The following FAM13A variants were observed in gnomAD, a reference collection of about 807,000 sequenced individuals.
FAM13A encodes the protein protein FAM13A.
A neutral mutation model predicts 129.6 loss-of-function variants in FAM13A; 76 were observed. The ratio of observed to expected loss-of-function variants is 0.59; its 90% CI spans 0.49 to 0.71. The LOEUF is 0.71. FAM13A is among the 30% of genes least tolerant of loss of function. The probability of loss-of-function intolerance (pLI) is 0.00; values close to 1 mark genes in which losing one functional copy is unlikely to be tolerated. For synonymous variants in FAM13A, 443 were observed against 449.9 expected, an observed-to-expected ratio of 0.98 and a Z score of 0.20; for missense variants, 1,108 against 1,249.3, an observed-to-expected ratio of 0.89 and a Z score of 1.70.
chr4:88,951,108 T>A (rs952958378), intron 4 of FAM13A, among the ~76,000 whole-genome samples: 1 of 152,226 alleles, frequency 6.6e-6, no homozygotes, highest in Non-Finnish European at 1.5e-5. Flanking sequence ...GGGCTGCTGC[T>A]GTTTATTATA....
chr4:88,827,747 T>C (rs1733253302), intron 7 of FAM13A, among the ~76,000 whole-genome samples: 1 of 152,206 alleles, frequency 6.6e-6, no homozygotes, highest in Admixed American at 6.5e-5. Flanking sequence ...ACTCTTAGGA[T>C]AACGTTCAAA....
chr4:88,854,532 C>T (rs1272344067), intron 6 of FAM13A, among the ~76,000 whole-genome samples: 6 of 152,208 alleles, frequency 3.9e-5, no homozygotes, highest in Non-Finnish European at 8.8e-5. Flanking sequence ...TTGCTTCTTT[C>T]TTTTACTCAT....
At chr4:89,037,524 G>GGACAAGAC (rs1769543777) in intron 1 of FAM13A, among the ~76,000 whole-genome samples, 1 of 152,198 alleles carries the variant, frequency 6.6e-6, no homozygotes, top group South Asian at 2.1e-4. Context: ...TGTCTCAGAT[G>GGACAAGAC]TGACTTTGGA....
intron 4 of FAM13A, among the ~76,000 whole-genome samples, chr4:88,987,230 GAA>G (rs60194594): frequency 6.7e-6 from 1 of 150,144 alleles, no homozygotes; most frequent in Non-Finnish European, 1.5e-5. Context: ...AAAAGAAAAA[GAA>G]AAAAAAATAC....
chr4:88,845,972 A>C (rs943102886), intron 7 of FAM13A, among the ~76,000 whole-genome samples: 2 of 152,226 alleles, frequency 1.3e-5, no homozygotes, highest in Non-Finnish European at 2.9e-5. Context: ...CCTGTAACAT[A>C]AGCAGACATT....
At chr4:88,888,844 G>A (rs1451336562) in intron 6 of FAM13A, among the ~76,000 whole-genome samples, 1 of 151,322 alleles carries the variant, frequency 6.6e-6, no homozygotes, top group African/African-American at 2.4e-5. Flanking sequence ...GCTGAGGCAG[G>A]AGAATGCTGT....
chr4:88,944,268 C>T (rs1037310413), intron 4 of FAM13A, among the ~76,000 whole-genome samples: 1 of 152,158 alleles, frequency 6.6e-6, no homozygotes, highest in Non-Finnish European at 1.5e-5. Flanking sequence ...GGGAGGACCT[C>T]TTGAGCTTAG....
chr4:88,796,127 TATCTTCAATC>T (rs1726127348), intron 8 of FAM13A, among the ~76,000 whole-genome samples: 1 of 151,850 alleles, frequency 6.6e-6, no homozygotes. Flanking sequence ...GTGGCTGATT[TATCTTCAATC>T]TTGTGTTAGG....
At chr4:88,852,980 T>C (rs1038473754) in intron 6 of FAM13A, among the ~76,000 whole-genome samples, 2 of 152,134 alleles carry the variant, frequency 1.3e-5, no homozygotes, top group African/African-American at 4.8e-5. Context: ...TATATGAACA[T>C]AATTTGGCAA....
chr4:88,808,157 AG>A (rs1250551336), intron 7 of FAM13A, among the ~76,000 whole-genome samples: 2 of 152,176 alleles, frequency 1.3e-5, no homozygotes, highest in Non-Finnish European at 2.9e-5. Flanking sequence ...TCTGGGATTT[AG>A]TAATACAATC....
intron 6 of FAM13A, among the ~76,000 whole-genome samples, chr4:88,877,990 G>T (rs1043764168): frequency 2.0e-5 from 3 of 152,206 alleles, no homozygotes; most frequent in Non-Finnish European, 4.4e-5. Flanking sequence ...TATAGTTAAA[G>T]AAATTTGGTA....
chr4:89,025,262 T>TTA (rs1767806097), intron 2 of FAM13A, among the ~76,000 whole-genome samples: 3 of 122,824 alleles, frequency 2.4e-5, no homozygotes, highest in African/African-American at 8.9e-5. Context: ...TTTTTTTTTT[T>TTA]TTTTTTTTTT....
intron 4 of FAM13A, among the ~76,000 whole-genome samples, chr4:88,971,539 C>T (rs971786985): frequency 6.6e-6 from 1 of 152,192 alleles, no homozygotes; most frequent in Admixed American, 6.5e-5. Flanking sequence ...TGGGGTCTCA[C>T]TCTGTCACCC....
At chr4:88,886,284 C>T (rs1045056133) in intron 6 of FAM13A, among the ~76,000 whole-genome samples, 6 of 152,138 alleles carry the variant, frequency 3.9e-5, no homozygotes, top group African/African-American at 9.7e-5. Context: ...TATCAATCAA[C>T]GAGTGGATAA....
intron 8 of FAM13A, among the ~76,000 whole-genome samples, chr4:88,794,486 G>C (rs1446829977): frequency 1.3e-5 from 2 of 151,866 alleles, no homozygotes. Context: ...CTGTTGACAA[G>C]TGATTCTTTA....
chr4:88,979,709 C>CA (rs1043689402), intron 4 of FAM13A, among the ~76,000 whole-genome samples: 1 of 152,140 alleles, frequency 6.6e-6, no homozygotes, highest in Non-Finnish European at 1.5e-5. Context: ...CATGGTGGCT[C>CA]ACCCCTGTAA....
chr4:88,943,100 CTT>C (rs1306433694), intron 4 of FAM13A, among the ~76,000 whole-genome samples: 23 of 152,262 alleles, frequency 1.5e-4, no homozygotes, highest in Non-Finnish European at 5.9e-5. Flanking sequence ...ACAATTATGA[CTT>C]TGGTTAAATG....
intron 6 of FAM13A, among the ~76,000 whole-genome samples, chr4:88,893,824 C>CT (rs1396232218): frequency 3.5e-5 from 2 of 56,614 alleles, no homozygotes; most frequent in Non-Finnish European, 8.7e-5. Flanking sequence ...GAGACTCCGT[C>CT]TCAAAAAAAA....
chr4:88,900,319 A>G (rs187047956), intron 6 of FAM13A, among the ~76,000 whole-genome samples: 38 of 152,212 alleles, frequency 2.5e-4, no homozygotes, highest in African/African-American at 8.7e-4. Flanking sequence ...ACTCCATGAG[A>G]AGATCAATGC....
Sources: allele counts gnomAD v4.1 joint callset (sites outside exome capture counted in the v4.1 genomes callset), GRCh38; gene constraint gnomAD v4.1.1; transcripts MANE v1.5; gene names NCBI Gene and HGNC (gene_info 2026-07-23, HGNC 2026-07-21).